The following LOC128706666 variants were observed in gnomAD, a reference collection of about 807,000 sequenced individuals.
the LOC128706666 span, among the ~76,000 whole-genome samples, chr20:10,419,558 T>C: frequency 6.6e-6 from 1 of 152,178 alleles, no homozygotes; most frequent in Non-Finnish European, 1.5e-5. Context: ...CACTAAACCC[T>C]ATATATACTA....
the LOC128706666 span, among the ~76,000 whole-genome samples, chr20:10,417,263 A>T: frequency 6.6e-6 from 1 of 151,820 alleles, no homozygotes; most frequent in Admixed American, 6.6e-5. Flanking sequence ...AAAAAAAAAA[A>T]AATCAAAGGG....
the LOC128706666 span, among the ~76,000 whole-genome samples, chr20:10,426,693 C>T: frequency 2.6e-5 from 4 of 152,210 alleles, no homozygotes; most frequent in African/African-American, 9.6e-5. Context: ...CCATGCACGC[C>T]CCGTGGCATG....
chr20:10,416,894 TTACACTACA>T, the LOC128706666 span, among the ~76,000 whole-genome samples: 10 of 152,310 alleles, frequency 6.6e-5, no homozygotes, highest in African/African-American at 2.2e-4. Context: ...ATGAGTGCTT[TTACACTACA>T]ACAGAAAGCT....
the LOC128706666 span, among the ~76,000 whole-genome samples, chr20:10,419,333 TA>T: frequency 2.0e-5 from 3 of 152,128 alleles, no homozygotes; most frequent in African/African-American, 7.2e-5. Flanking sequence ...TTAGATTTTA[TA>T]AATACAATAT....
At chr20:10,418,978 T>G in the LOC128706666 span, among the ~76,000 whole-genome samples, 1 of 152,186 alleles carries the variant, frequency 6.6e-6, no homozygotes, top group Non-Finnish European at 1.5e-5. Flanking sequence ...TGTTACTACC[T>G]GGCTTTTATA....
chr20:10,418,464 T>C, the LOC128706666 span, among the ~76,000 whole-genome samples: 1 of 152,222 alleles, frequency 6.6e-6, no homozygotes, highest in Non-Finnish European at 1.5e-5. Context: ...TCTTTTGATG[T>C]ACTTCAACTA....
the LOC128706666 span, chr20:10,420,690 C>T: frequency 2.0e-5 from 3 of 152,208 alleles, no homozygotes; most frequent in African/African-American, 7.2e-5. Context: ...CTAAAGGGAC[C>T]ATAACAACCA....
chr20:10,414,880 T>C, the LOC128706666 span, among the ~76,000 whole-genome samples: 1 of 152,312 alleles, frequency 6.6e-6, no homozygotes, highest in Admixed American at 6.5e-5. Context: ...TATCAATCAA[T>C]GATTTTCAGT....
the LOC128706666 span, chr20:10,431,688 T>C: frequency 2.0e-5 from 3 of 152,192 alleles, no homozygotes; most frequent in African/African-American, 7.2e-5. Context: ...ACTTACTCCA[T>C]CTTTAGTTAC....
the LOC128706666 span, among the ~76,000 whole-genome samples, chr20:10,431,296 T>C: frequency 2.6e-5 from 4 of 152,274 alleles, no homozygotes; most frequent in African/African-American, 9.6e-5. Flanking sequence ...CACAGTCATG[T>C]ATCCCACATT....
the LOC128706666 span, among the ~76,000 whole-genome samples, chr20:10,420,279 C>T: frequency 6.6e-6 from 1 of 151,964 alleles, no homozygotes; most frequent in Non-Finnish European, 1.5e-5. Flanking sequence ...CATTCATGAT[C>T]CTGGTGATGC....
chr20:10,424,643 A>G, the LOC128706666 span, among the ~76,000 whole-genome samples: 1 of 152,168 alleles, frequency 6.6e-6, no homozygotes, highest in African/African-American at 2.4e-5. Context: ...GTAATGTGTT[A>G]TTTATTTTGT....
chr20:10,428,302 C>A, the LOC128706666 span, among the ~76,000 whole-genome samples: 1 of 152,122 alleles, frequency 6.6e-6, no homozygotes, highest in Non-Finnish European at 1.5e-5. Flanking sequence ...ATGCAGATAG[C>A]CAGATTGTTC....
chr20:10,425,006 T>C, the LOC128706666 span, among the ~76,000 whole-genome samples: 3 of 149,828 alleles, frequency 2.0e-5, no homozygotes, highest in African/African-American at 7.4e-5. Context: ...TGAGCCAAGA[T>C]CATGCCATTG....
the LOC128706666 span, among the ~76,000 whole-genome samples, chr20:10,418,118 T>C: frequency 3.3e-5 from 5 of 152,206 alleles, no homozygotes; most frequent in African/African-American, 1.2e-4. Flanking sequence ...ATAATGCAAA[T>C]GTGTTTGTGT....
chr20:10,413,796 C>T, the LOC128706666 span: 1 of 550,700 alleles, frequency 1.8e-6, no homozygotes, highest in African/African-American at 1.9e-5. Context: ...CTTTGCAGAC[C>T]TCTGCAAAAA....
the LOC128706666 span, among the ~76,000 whole-genome samples, chr20:10,417,120 G>A: frequency 6.6e-6 from 1 of 151,952 alleles, no homozygotes; most frequent in East Asian, 1.9e-4. Flanking sequence ...GTGTGGTGGT[G>A]GGTGCCTGTA....
At chr20:10,424,296 C>T in the LOC128706666 span, among the ~76,000 whole-genome samples, 1 of 152,012 alleles carries the variant, frequency 6.6e-6, no homozygotes, top group Non-Finnish European at 1.5e-5. Flanking sequence ...TGGCTCACAC[C>T]TGTTACCCCA....
chr20:10,430,065 G>A, the LOC128706666 span, among the ~76,000 whole-genome samples: 1 of 152,136 alleles, frequency 6.6e-6, no homozygotes, highest in Non-Finnish European at 1.5e-5. Context: ...AAACAAATCT[G>A]GTTGTATTCC....
Sources: allele counts gnomAD v4.1 joint callset (sites outside exome capture counted in the v4.1 genomes callset), GRCh38; gene constraint gnomAD v4.1.1; transcripts MANE v1.5.